MYO9A: variants seen among roughly 807,000 people sequenced by gnomAD.
MYO9A encodes the protein unconventional myosin-IXa.
A neutral mutation model predicts 293.3 loss-of-function variants in MYO9A; 103 were observed. That is an observed-to-expected ratio of 0.35 (90% confidence interval 0.30 to 0.41). The LOEUF is 0.41. Ranked by LOEUF, MYO9A falls within the 10% of genes least tolerant of loss-of-function variation. MYO9A has a pLI of 1.00. For missense variants in MYO9A, 2,685 were observed against 3,033.0 expected (o/e 0.89, Z 2.69); for synonymous variants, 1,001 against 1,035.7 (o/e 0.97, Z 0.64).
intron 14 of MYO9A, among the ~76,000 whole-genome samples, chr15:71,954,867 C>T (rs1407598400): frequency 6.6e-6 from 1 of 152,152 alleles, no homozygotes; most frequent in African/African-American, 2.4e-5. Context: ...ATATCTTTGG[C>T]CCTATAAAAG....
intron 22 of MYO9A, among the ~76,000 whole-genome samples, chr15:71,901,672 C>CA (rs1032236419): frequency 1.5e-4 from 22 of 147,186 alleles, no homozygotes; most frequent in Non-Finnish European, 2.8e-4. Context: ...AAAAAAAAGA[C>CA]AAAAAAAGGA....
intron 15 of MYO9A, among the ~76,000 whole-genome samples, chr15:71,939,191 G>A (rs978291544): frequency 1.3e-4 from 20 of 152,068 alleles, no homozygotes; most frequent in African/African-American, 4.3e-4. Context: ...CTGGACTGAA[G>A]GCCTAGAAGT....
At chr15:72,078,891 T>G (rs1245893565) in intron 1 of MYO9A, among the ~76,000 whole-genome samples, 1 of 152,204 alleles carries the variant, frequency 6.6e-6, no homozygotes, top group Non-Finnish European at 1.5e-5. Context: ...ACTGTATGAT[T>G]CCAACTACAT....
At chr15:72,027,845 C>T in intron 3 of MYO9A, 52 bp from the exon 4 acceptor site, 1 of 1,274,200 alleles carries the variant, frequency 7.8e-7, no homozygotes, top group Non-Finnish European at 1.1e-6. Flanking sequence ...TAATATAAGG[C>T]AGAAAAATAT....
intron 1 of MYO9A, among the ~76,000 whole-genome samples, chr15:72,111,003 C>T (rs1043712638): frequency 6.6e-6 from 1 of 151,706 alleles, no homozygotes; most frequent in South Asian, 2.1e-4. Flanking sequence ...ACTAAAAATA[C>T]AAAAAATTAG....
At chr15:71,835,207 A>C (rs2054891130) in intron 39 of MYO9A, among the ~76,000 whole-genome samples, 1 of 152,226 alleles carries the variant, frequency 6.6e-6, no homozygotes, top group African/African-American at 2.4e-5. Flanking sequence ...TGGTGGTAAA[A>C]GGTTGAAAGC....
chr15:72,080,159 A>C (rs2079495680), intron 1 of MYO9A, among the ~76,000 whole-genome samples: 1 of 152,186 alleles, frequency 6.6e-6, no homozygotes, highest in Non-Finnish European at 1.5e-5. Flanking sequence ...CTTAATTCAC[A>C]TTATATAATT....
intron 1 of MYO9A, among the ~76,000 whole-genome samples, chr15:72,057,101 C>T (rs2078743535): frequency 6.6e-6 from 1 of 150,912 alleles, no homozygotes; most frequent in African/African-American, 2.4e-5. Context: ...GAGCAAGACT[C>T]TGTCTCAGGA....
At chr15:71,910,100 A>G (rs1017603985) in intron 19 of MYO9A, among the ~76,000 whole-genome samples, 4 of 143,838 alleles carry the variant, frequency 2.8e-5, no homozygotes, top group Non-Finnish European at 6.1e-5. Context: ...ATATATATAT[A>G]CGTATATATA....
Position 71,994,492 on chromosome 15 carries a change from T to G in MYO9A, c.1564A>C (p.Lys522Gln), listed in dbSNP as rs994559494. ...FRINHALLNS[K>Q]DLEHNTKTLS... The stretch of plus-strand genomic sequence containing the variant: ...ACCTTGGTATTATGCTCTAAATCTT[T>G]ACTATTCAGAAGTGCATGATTAATT... Residue 522 changes from lysine to glutamine, a missense_variant, in exon 10 of 42, where the codon AAA becomes CAA. Coordinates refer to ENST00000356056, the MANE Select transcript of MYO9A (RefSeq NM_006901.4). 6.3e-7 allele frequency: 1 copy of G among 1,598,370 alleles called. No homozygotes were observed. Among genetic ancestry groups the G allele is most frequent in the Non-Finnish European group, 8.5e-7 (1 of 1,172,122 alleles).
intron 15 of MYO9A, among the ~76,000 whole-genome samples, chr15:71,943,618 A>G (rs972706431): frequency 1.3e-5 from 2 of 152,088 alleles, no homozygotes; most frequent in Admixed American, 6.6e-5. Context: ...CACCACACTA[A>G]TAACCACCAA....
intron 1 of MYO9A, among the ~76,000 whole-genome samples, chr15:72,078,374 C>A (rs1319047709): frequency 1.3e-5 from 2 of 151,090 alleles, no homozygotes; most frequent in East Asian, 3.9e-4. Context: ...TGCCTGTGGT[C>A]CTAGCTACTC....
intron 4 of MYO9A, among the ~76,000 whole-genome samples, chr15:72,024,534 A>T (rs529423905): frequency 1.3e-5 from 2 of 152,124 alleles, no homozygotes; most frequent in African/African-American, 2.4e-5. Flanking sequence ...GGCTTCCCCA[A>T]AGTGCTGGGA....
At chr15:71,992,553 T>C (rs1244855050) in intron 10 of MYO9A, among the ~76,000 whole-genome samples, 2 of 152,198 alleles carry the variant, frequency 1.3e-5, no homozygotes, top group Admixed American at 6.5e-5. Flanking sequence ...ATCAATTTGA[T>C]AAATTAGATT....
intron 13 of MYO9A, among the ~76,000 whole-genome samples, chr15:71,963,948 T>C (rs923558876): frequency 6.6e-6 from 1 of 152,250 alleles, no homozygotes; most frequent in Non-Finnish European, 1.5e-5. Flanking sequence ...TCTGAACTAC[T>C]GATTCAAATT....
intron 14 of MYO9A, among the ~76,000 whole-genome samples, chr15:71,957,503 GTTTA>G (rs1316166627): frequency 6.6e-6 from 1 of 151,564 alleles, no homozygotes; most frequent in Admixed American, 6.6e-5. Context: ...TTTAACAAAA[GTTTA>G]TTTAAATCTA....
chr15:71,886,375 TGAACCATTTGCTTA>T (rs745727587), intron 27 of MYO9A, among the ~76,000 whole-genome samples: 20 of 152,040 alleles, frequency 1.3e-4, no homozygotes, highest in Admixed American at 2.6e-4. Flanking sequence ...CAAAACTCTT[TGAACCATTTGCTTA>T]GAACCATTTG....
At chr15:71,992,187 A>C (rs2076561921) in intron 10 of MYO9A, among the ~76,000 whole-genome samples, 1 of 152,222 alleles carries the variant, frequency 6.6e-6, no homozygotes, top group South Asian at 2.1e-4. Context: ...TCTGCTCCCT[A>C]AAGTCAACCA....
intron 8 of MYO9A, 132 bp from the exon 9 acceptor site, chr15:72,000,072 C>CACTGGGCAATTTTAAT (rs1197453250): frequency 3.8e-5 from 23 of 600,624 alleles, no homozygotes; most frequent in Non-Finnish European, 6.0e-5. Context: ...AAAGGCAATA[C>CACTGGGCAATTTTAAT]ACTGGGCAAT....
Sources: allele counts gnomAD v4.1 joint callset (sites outside exome capture counted in the v4.1 genomes callset), GRCh38; gene constraint gnomAD v4.1.1; transcripts MANE v1.5; gene names NCBI Gene and HGNC (gene_info 2026-07-23, HGNC 2026-07-21).